Variants in ASPHD1 observed in about 807,000 individuals in gnomAD.
ASPHD1 encodes aspartate beta-hydroxylase domain-containing protein 1.
Under a neutral mutation model 28.3 loss-of-function variants are expected in ASPHD1, and 20 were observed. The ratio of observed to expected loss-of-function variants is 0.71; its 90% CI spans 0.50 to 1.03. The LOEUF is 1.03. Among genes scored for constraint, ASPHD1 ranks in the 50% least tolerant of loss-of-function variants. The pLI, the probability that ASPHD1 is intolerant of heterozygous loss-of-function variation, is 0.00. For missense variants in ASPHD1, 479 were observed against 524.1 expected, an observed-to-expected ratio of 0.91 and a Z score of 0.84; for synonymous variants, 240 against 221.2, an observed-to-expected ratio of 1.08 and a Z score of -0.75.
chr16:29,911,405 G>A (rs1301942008), intron 3 of ASPHD1: 4 of 566,584 alleles, frequency 7.1e-6, no homozygotes, highest in East Asian at 6.0e-5. Context: ...GAGGGACCGG[G>A]AGCCAGGCCA....
At chr16:29,911,119 C>G (rs1440190331) in intron 3 of ASPHD1, 1 of 1,614,068 alleles carries the variant, frequency 6.2e-7, no homozygotes, top group African/African-American at 1.3e-5. Context: ...CGTGGAAGCG[C>G]AGGGCCAGCT....
downstream of ASPHD1, chr16:29,906,061 C>A: frequency 1.9e-6 from 1 of 522,804 alleles, no homozygotes; most frequent in Non-Finnish European, 3.3e-6. Flanking sequence ...TCCTAACTCC[C>A]GACTACTTCC....
chr16:29,907,985 A>G (rs2068641582), downstream of ASPHD1, among the ~76,000 whole-genome samples: 1 of 151,896 alleles, frequency 6.6e-6, no homozygotes, highest in Non-Finnish European at 1.5e-5. Context: ...CTATTAAAAA[A>G]AAAAAAAGAG....
At chr16:29,906,111 C>T (rs1597007555), downstream of ASPHD1, 2 of 406,914 alleles carry the variant, frequency 4.9e-6, no homozygotes, top group East Asian at 4.0e-5. Flanking sequence ...ATGTCTTCTC[C>T]TAGTACAACC....
At chr16:29,911,552 C>T (rs1181605652) in intron 3 of ASPHD1, 2 of 590,264 alleles carry the variant, frequency 3.4e-6, no homozygotes, top group South Asian at 2.0e-5. Flanking sequence ...AGGACTCTGC[C>T]AGTTCCTAGA....
In ASPHD1 at chr16:29,901,751, C is replaced by A; in HGVS notation, c.780C>A (p.Cys260Ter). Reference protein sequence around the residue: ...YQLLLYQAGRCQPSNCRRCPG... With the variant: ...YQLLLYQAGR ...TCCTGCTGTACCAAGCAGGCCGGTGCCAACCCAGCAACTGCCGCCGGTGCC... is the reference window on the plus strand; with the variant it reads ...TCCTGCTGTACCAAGCAGGCCGGTGACAACCCAGCAACTGCCGCCGGTGCC... Residue 260 changes from cysteine (C) to a stop codon, truncating the protein, a stop_gained, in exon 1 of 3, where the codon TGC (cysteine) becomes TGA (stop). Transcript: ENST00000308748. LOFTEE classifies it high-confidence loss of function. This position sits in a 1 kb window ranked among gnomAD's most constrained non-coding sequence, Gnocchi z 5.1. 1 of 1,550,468 alleles carries A rather than the reference C, an allele frequency of 6.4e-7. No individual in the cohort carries two copies. The highest frequency in any genetic ancestry group is 2.0e-5 in the Admixed American group (1 of 49,810).
intron 2 of ASPHD1, 85 bp downstream of exon 2, chr16:29,905,050 C>A: frequency 1.0e-6 from 1 of 978,546 alleles, no homozygotes; most frequent in South Asian, 1.4e-5. Flanking sequence ...TCAGGCCCAA[C>A]GGACTTCCTG....
At chr16:29,904,631 A>G (rs2068584412) in intron 1 of ASPHD1, among the ~76,000 whole-genome samples, 2 of 151,534 alleles carry the variant, frequency 1.3e-5, no homozygotes, top group Admixed American at 1.3e-4. Context: ...AAAAAAAAAA[A>G]AGATGGGTCA....
chr16:29,905,454 C>T (rs527618369), intron 2 of ASPHD1, among the ~76,000 whole-genome samples: 86 of 151,768 alleles, frequency 5.7e-4, no homozygotes, highest in African/African-American at 2.0e-3. Context: ...GGTGAAACCC[C>T]GTCTCTATTA....
At position 29,901,974 on chromosome 16, in the gene ASPHD1, G is replaced by C. The variant is rs909724922; in HGVS notation, c.949+54G>C. 7.4e-7 allele frequency: 1 copy of C among 1,353,958 alleles called. No homozygotes were observed. Among genetic ancestry groups the C allele is most frequent in the Non-Finnish European group, 9.7e-7 (1 of 1,035,670 alleles). 83.9% of individuals were successfully genotyped at this position (1,353,958 alleles called of 1,614,324 possible). A position where few individuals can be genotyped will look rare whatever the true frequency, so the allele number is the denominator to read the frequency against. ...CCTTGCCTCGATGATTTCCCCCCCA[G>C]ACCCTTCTCTCCGCCAGAGCCGTCT... On this transcript the variant is annotated intron_variant, in intron 1 of 2. Coordinates refer to ENST00000308748, the MANE Select transcript of ASPHD1 (RefSeq NM_181718.4). This position sits in a 1 kb window ranked among gnomAD's most constrained non-coding sequence, Gnocchi z 5.1.
At chr16:29,910,412 T>C (rs144109795), downstream of ASPHD1, among the ~76,000 whole-genome samples, 1 of 151,510 alleles carries the variant, frequency 6.6e-6, no homozygotes, top group East Asian at 1.9e-4. Flanking sequence ...ATAATAATAA[T>C]AATAATAAAT....
At chr16:29,908,442 T>C (rs555365912), downstream of ASPHD1, among the ~76,000 whole-genome samples, 1 of 152,216 alleles carries the variant, frequency 6.6e-6, no homozygotes, top group East Asian at 1.9e-4. Flanking sequence ...TGGAGCGCAA[T>C]GGCACAATCT....
chr16:29,904,527 C>T (rs1255751997), intron 1 of ASPHD1, among the ~76,000 whole-genome samples: 1 of 149,836 alleles, frequency 6.7e-6, no homozygotes, highest in Admixed American at 6.7e-5. Context: ...GGCTGAGACA[C>T]GAGAATCACT....
In ASPHD1 at chr16:29,905,968, G is replaced by A; in HGVS notation, c.*71G>A. ...TCAGGGACGGCTTGATGGTAGCCAGGACCTCCTCTCTACTGCGGGGGTGGG... is the reference window on the plus strand; with the variant it reads ...TCAGGGACGGCTTGATGGTAGCCAGAACCTCCTCTCTACTGCGGGGGTGGG... On this transcript the variant is annotated 3_prime_UTR_variant, in exon 3 of 3. Transcript: ENST00000308748. 1 of 820,970 alleles carries A rather than the reference G, an allele frequency of 1.2e-6. No homozygotes were observed. Among genetic ancestry groups the A allele is most frequent in the Non-Finnish European group, 1.9e-6 (1 of 536,798 alleles). The allele number at this position is 820,970 out of a possible 1,614,324, so 50.9% of individuals were successfully genotyped here.
At chr16:29,917,378 G>T (rs7197342) in intron 3 of ASPHD1, among the ~76,000 whole-genome samples, 1 of 152,066 alleles carries the variant, frequency 6.6e-6, no homozygotes. Flanking sequence ...CAGGTATAGC[G>T]GATCACACCT....
intron 3 of ASPHD1, chr16:29,915,334 A>C (rs1360386987): frequency 6.6e-6 from 1 of 152,202 alleles, no homozygotes; most frequent in African/African-American, 2.4e-5. Flanking sequence ...GGTTCACTAC[A>C]TTAGAAAAAA....
chr16:29,906,088 G>T, downstream of ASPHD1: 1 of 485,230 alleles, frequency 2.1e-6, no homozygotes, highest in Non-Finnish European at 3.7e-6. Flanking sequence ...GGGAGAGGCT[G>T]GGGCAGGGCC....
chr16:29,906,140 TTTTC>T (rs1415994541), downstream of ASPHD1: 45 of 318,346 alleles, frequency 1.4e-4, no homozygotes, highest in South Asian at 3.2e-4. Context: ...ACCTCCTTTT[TTTTC>T]TTTCTTTTTT....
At position 29,901,193 on chromosome 16, in the gene ASPHD1, C is replaced by A; in HGVS notation, c.222C>A (p.Pro74=). 3 of 1,613,706 alleles carry A rather than the reference C, an allele frequency of 1.9e-6. No homozygotes were observed. Among genetic ancestry groups the A allele is most frequent in the Non-Finnish European group, 2.5e-6 (3 of 1,179,834 alleles). Residue 74 remains proline, a synonymous_variant, in exon 1 of 3, where the codon CCC becomes CCA. Coordinates refer to ENST00000308748, the MANE Select transcript of ASPHD1 (RefSeq NM_181718.4). This position sits in a 1 kb window ranked among gnomAD's most constrained non-coding sequence, Gnocchi z 5.1. The part of the protein sequence containing the change: ...ASLIMLPWPL[P]LASSALTLLF... ...TGATCATGCTCCCGTGGCCACTACC[C>A]CTGGCCTCCTCGGCCCTCACCTTGC...
Sources: gnomAD v4.1 joint callset for allele counts (sites outside exome capture counted in the v4.1 genomes callset) on GRCh38, gnomAD v4.1.1 for gene constraint, Gnocchi (gnomAD v3.1) non-coding constraint, MANE v1.5 for transcripts, NCBI Gene and HGNC (gene_info 2026-07-23, HGNC 2026-07-21) for gene names.